MAGEA4: variants seen among roughly 807,000 people sequenced by gnomAD.
MAGEA4 encodes MAGE family member A4, also known as melanoma-associated antigen 4.
In MAGEA4, 1 loss-of-function variant was observed where a neutral mutation model predicts 13.7. That is an observed-to-expected ratio of 0.07 (90% confidence interval 0.03 to 0.35). MAGEA4 has a LOEUF of 0.35. MAGEA4 is among the 10% of genes least tolerant of loss of function. The probability of loss-of-function intolerance (pLI) is 0.99; values close to 1 mark genes in which losing one functional copy is unlikely to be tolerated. For missense variants in MAGEA4, 312 were observed against 245.1 expected (o/e 1.27, Z -1.82); for synonymous variants, 132 against 101.1 (o/e 1.31, Z -1.83).
At chrX:151,913,571 G>T in intron 1 of MAGEA4, 2 of 751,016 alleles carry the variant, frequency 2.7e-6, no homozygotes. Flanking sequence ...AGCGGGCCAG[G>T]CCCTGTGAGG....
upstream of MAGEA4, chrX:151,912,549 G>C (rs1932954611): frequency 2.8e-6 from 1 of 360,652 alleles, no homozygotes; most frequent in Non-Finnish European, 5.3e-6. Flanking sequence ...CAAGGTGGGG[G>C]CAGGCTGTGC....
chrX:151,924,199 C>A lies in MAGEA4; in HGVS notation c.535C>A (p.Leu179Ile). 8.3e-7 allele frequency: 1 copy of A among 1,211,625 alleles called. No homozygotes were observed. Among genetic ancestry groups the A allele is most frequent in the Non-Finnish European group, 1.1e-6 (1 of 895,324 alleles). Residue 179 changes from leucine to isoleucine, a missense_variant, in exon 3 of 3, where the codon CTT (leucine) becomes ATT (isoleucine). Coordinates refer to ENST00000276344, the MANE Select transcript of MAGEA4 (RefSeq NM_001011548.1). ...GGACCCCGCCAGCAACACCTACACC[C>A]TTGTCACCTGCCTGGGCCTTTCCTA... ...EVDPASNTYTLVTCLGLSYDG... is the reference protein window; with the variant it reads ...EVDPASNTYTIVTCLGLSYDG...
chrX:151,925,091 A>T lies in MAGEA4; in HGVS notation c.*473A>T, dbSNP rs747765671. ...TCAGTCTATTCTGTAAAATTTAAAA[A>T]ATATATATGCATACCTGGATTTCCT... On this transcript the variant is annotated 3_prime_UTR_variant, in exon 3 of 3. Transcript: ENST00000276344. The T allele has an allele frequency of 8.1e-6, 1 of 122,715 alleles. No homozygotes were observed. The highest frequency in any genetic ancestry group is 3.2e-5 in the African/African-American group (1 of 30,931). The allele number at this position is 122,715 out of a possible 1,213,427, so 10.1% of individuals were successfully genotyped here.
rs1201442764 is a variant in MAGEA4, at chrX:151,924,745, A to G, written c.*127A>G. On this transcript the variant is annotated 3_prime_UTR_variant, in exon 3 of 3. Coordinates refer to ENST00000276344, the MANE Select transcript of MAGEA4 (RefSeq NM_001011548.1). The stretch of plus-strand genomic sequence containing the variant: ...ATTCTTCACTCTGTTTGAAGAAAAT[A>G]GTCAGTGTTCTTAGTAGTGGGTTTC... The G allele has an allele frequency of 8.5e-6, 6 of 708,851 alleles. No homozygotes were observed. The highest frequency in any genetic ancestry group is 1.2e-5 in the Non-Finnish European group (6 of 499,203). The allele number at this position is 708,851 out of a possible 1,213,427, so 58.4% of individuals were successfully genotyped here.
At chrX:151,919,765 A>G in intron 1 of MAGEA4, 1 of 750,720 alleles carries the variant, frequency 1.3e-6, no homozygotes. Context: ...CACCGCAGAT[A>G]GACAATCCCA....
chrX:151,923,999 A>G lies in MAGEA4; in HGVS notation c.335A>G (p.Asn112Ser). 1 of 1,212,182 alleles carries G rather than the reference A, an allele frequency of 8.2e-7. No individual in the cohort carries two copies. Among genetic ancestry groups the G allele is most frequent in the Non-Finnish European group, 1.1e-6 (1 of 895,614 alleles). Residue 112 changes from asparagine (N) to serine (S), a missense_variant, in exon 3 of 3, where the codon AAC becomes AGC. Physicochemically the swap from Asn to Ser is conservative, Grantham distance 46 (BLOSUM62 1). Transcript: ENST00000276344. ...TCCTTGTTCCGAGAAGCACTCAGTA[A>G]CAAGGTGGATGAGTTGGCTCATTTT... ...AESLFREALSNKVDELAHFLL... is the reference protein window; with the variant it reads ...AESLFREALSSKVDELAHFLL...
intron 1 of MAGEA4, among the ~76,000 whole-genome samples, chrX:151,922,307 A>G (rs1019447212): frequency 3.2e-4 from 36 of 111,102 alleles, no homozygotes; most frequent in Admixed American, 3.8e-4. Context: ...CACAGGCAGG[A>G]AGTTGGGGAA....
chrX:151,920,202 G>A (rs1179469163), intron 1 of MAGEA4, among the ~76,000 whole-genome samples: 2 of 110,273 alleles, frequency 1.8e-5, no homozygotes, highest in Non-Finnish European at 3.8e-5. Context: ...GTGCATTGGG[G>A]GTTAGAGAGA....
At position 151,923,744 on chromosome X, in the gene MAGEA4, G is replaced by T. The variant is rs753670573; in HGVS notation, c.80G>T (p.Gly27Val). ...EAQEEALGLV[G>V]AQAPTTEEQE... is the part of the protein sequence containing the mutation. Reference sequence around the variant, plus strand: ...CAAGAAGAGGCCCTGGGCCTGGTGGGTGCACAGGCTCCTACTACTGAGGAG... The same window carrying T: ...CAAGAAGAGGCCCTGGGCCTGGTGGTTGCACAGGCTCCTACTACTGAGGAG... Residue 27 changes from glycine (G) to valine (V), a missense_variant, in exon 3 of 3, where the codon GGT becomes GTT. Coordinates refer to ENST00000276344, the MANE Select transcript of MAGEA4 (RefSeq NM_001011548.1). 5.8e-6 allele frequency: 7 copies of T among 1,208,382 alleles called. No homozygotes were observed. In the South Asian group the frequency reaches 1.1e-4, roughly 18 times the overall value.
chrX:151,920,564 C>A (rs1162134797), intron 1 of MAGEA4, among the ~76,000 whole-genome samples: 1 of 99,739 alleles, frequency 1.0e-5, no homozygotes, highest in African/African-American at 3.7e-5. Context: ...TATCCCCTAC[C>A]CCTTTCCCAT....
At chrX:151,919,670 C>G (rs1171376522) in intron 1 of MAGEA4, 1 of 753,651 alleles carries the variant, frequency 1.3e-6, no homozygotes, top group East Asian at 1.5e-4. Flanking sequence ...TCTGTCTGAC[C>G]AGCAGCTTGG....
intron 1 of MAGEA4, chrX:151,919,083 C>A: frequency 2.7e-6 from 2 of 743,950 alleles, no homozygotes; most frequent in Non-Finnish European, 3.2e-6. Context: ...CCCAGATAGA[C>A]GACCCCAAAT....
chrX:151,919,661 C>G, intron 1 of MAGEA4: 1 of 753,856 alleles, frequency 1.3e-6, no homozygotes, highest in Non-Finnish European at 1.6e-6. Flanking sequence ...GCGAGCTGCT[C>G]TGTCTGACCA....
chrX:151,919,630 C>T (rs887507176), intron 1 of MAGEA4: 15 of 747,393 alleles, frequency 2.0e-5, no homozygotes, highest in East Asian at 3.1e-4. Flanking sequence ...CACTGACTTG[C>T]GCATTGGGGG....
At chrX:151,920,651 AC>A (rs1487374609) in intron 1 of MAGEA4, among the ~76,000 whole-genome samples, 1 of 61,583 alleles carries the variant, frequency 1.6e-5, no homozygotes, top group African/African-American at 6.4e-5. Context: ...CCAGCCTCAT[AC>A]CCCCCTCCCC....
intron 1 of MAGEA4, among the ~76,000 whole-genome samples, chrX:151,923,022 C>G (rs1020401998): frequency 8.9e-6 from 1 of 112,577 alleles, no homozygotes; most frequent in Admixed American, 9.3e-5. Flanking sequence ...CTGAGTTTCT[C>G]AGGCCAGCAA....
intron 1 of MAGEA4, chrX:151,917,678 C>G (rs1452862475): frequency 4.7e-6 from 1 of 214,558 alleles, no homozygotes; most frequent in African/African-American, 3.7e-5. Context: ...TGTGAGGAGT[C>G]AAGGTGAGAC....
intron 1 of MAGEA4, among the ~76,000 whole-genome samples, chrX:151,919,457 C>G (rs1475908512): frequency 9.8e-6 from 1 of 102,273 alleles, no homozygotes; most frequent in African/African-American, 3.7e-5. Context: ...AACCTCACCT[C>G]TCCCACCCCC....
chrX:151,922,675 C>A (rs1485411119), intron 1 of MAGEA4, among the ~76,000 whole-genome samples: 1 of 111,631 alleles, frequency 9.0e-6, no homozygotes, highest in Non-Finnish European at 1.9e-5. Context: ...AGGGCCAGAA[C>A]GCAGATGATG....
Sources: allele counts gnomAD v4.1 joint callset (sites outside exome capture counted in the v4.1 genomes callset), GRCh38; gene constraint gnomAD v4.1.1; transcripts MANE v1.5; gene names NCBI Gene and HGNC (gene_info 2026-07-23, HGNC 2026-07-21).